Variants in UBE2D2 observed in about 807,000 individuals in gnomAD.
UBE2D2 encodes the protein ubiquitin-conjugating enzyme E2 D2.
Under a neutral mutation model 24.2 loss-of-function variants are expected in UBE2D2, and 2 were observed. That is an observed-to-expected ratio of 0.08 (90% CI 0.03 to 0.26). The LOEUF is 0.26. Ranked by LOEUF, UBE2D2 falls within the 10% of genes least tolerant of loss-of-function variation. The pLI is 1.00. For missense variants in UBE2D2, 44 were observed against 177.6 expected (o/e 0.25, Z 4.28); for synonymous variants, 58 against 56.5 (o/e 1.03, Z -0.12).
At chr5:139,595,421 C>G (rs1243212118) in intron 1 of UBE2D2, among the ~76,000 whole-genome samples, 1 of 152,144 alleles carries the variant, frequency 6.6e-6, no homozygotes, top group Non-Finnish European at 1.5e-5. Flanking sequence ...TCTTGTTACC[C>G]AAGCTGGAGT....
chr5:139,547,921 C>T (rs940502284), intron 1 of UBE2D2, among the ~76,000 whole-genome samples: 1 of 151,670 alleles, frequency 6.6e-6, no homozygotes, highest in African/African-American at 2.4e-5. Context: ...TCTCGAACTC[C>T]CCACCTCAGG....
chr5:139,623,674 G>T (rs921161374), intron 6 of UBE2D2: 3 of 410,274 alleles, frequency 7.3e-6, no homozygotes, highest in Non-Finnish European at 4.4e-6. Flanking sequence ...GACTCCTCTT[G>T]TCTACAAAAA....
chr5:139,546,817 T>TCTTTCTTCCTTCCTTC (rs1203962652), intron 1 of UBE2D2, among the ~76,000 whole-genome samples: 1 of 138,302 alleles, frequency 7.2e-6, no homozygotes, highest in East Asian at 2.1e-4. Context: ...CTTCTTTCTT[T>TCTTTCTTCCTTCCTTC]CTTCCTTCCT....
intron 1 of UBE2D2, among the ~76,000 whole-genome samples, chr5:139,538,018 GT>G (rs895670200): frequency 6.6e-6 from 1 of 151,714 alleles, no homozygotes; most frequent in Non-Finnish European, 1.5e-5. Flanking sequence ...GCATGATACA[GT>G]TTTTTTGTTT....
At chr5:139,583,357 A>G (rs1362267236) in intron 1 of UBE2D2, among the ~76,000 whole-genome samples, 2 of 152,216 alleles carry the variant, frequency 1.3e-5, no homozygotes, top group African/African-American at 2.4e-5. Context: ...TGTGAAGTAA[A>G]TAAGTATGTG....
chr5:139,532,975 G>A (rs1268636156), intron 1 of UBE2D2, among the ~76,000 whole-genome samples: 1 of 151,750 alleles, frequency 6.6e-6, no homozygotes, highest in Non-Finnish European at 1.5e-5. Flanking sequence ...GGGCGTGGTG[G>A]CACTTGCCTG....
chr5:139,622,278 T>C (rs1012502781), intron 5 of UBE2D2, among the ~76,000 whole-genome samples: 4 of 151,860 alleles, frequency 2.6e-5, no homozygotes, highest in Admixed American at 2.0e-4. Context: ...GATTTTTTGC[T>C]GTGTCGCCCA....
intron 1 of UBE2D2, among the ~76,000 whole-genome samples, chr5:139,590,457 AG>A (rs1386991188): frequency 9.9e-5 from 15 of 151,064 alleles, no homozygotes; most frequent in African/African-American, 3.4e-4. Flanking sequence ...AAAAAAAAAA[AG>A]AAAGAAAAAG....
Position 139,534,430 on chromosome 5 carries a change from G to A in UBE2D2, c.-64+7818G>A, listed in dbSNP as rs538949528. ...AAATACAAACCATTAGCCGGGCGTCGTGGCGGGCGCCTGTAGTCCCAGCTA... is the reference window on the plus strand; with the variant it reads ...AAATACAAACCATTAGCCGGGCGTCATGGCGGGCGCCTGTAGTCCCAGCTA... On this transcript the variant is annotated intron_variant, in intron 1 of 6. Transcript: ENST00000511725. Among the ~76,000 whole-genome samples, 13 of 152,226 alleles carry A rather than the reference G, an allele frequency of 8.5e-5. No individual in the cohort carries two copies. In the South Asian group the frequency reaches 1.5e-3, roughly 17 times the overall value.
intron 6 of UBE2D2, among the ~76,000 whole-genome samples, chr5:139,625,120 C>A (rs1403294417): frequency 6.6e-6 from 1 of 150,768 alleles, no homozygotes; most frequent in African/African-American, 2.4e-5. Flanking sequence ...TACAGTGGCA[C>A]AATCGTGGCT....
At chr5:139,564,476 C>T (rs143924305) in intron 1 of UBE2D2, among the ~76,000 whole-genome samples, 1,826 of 142,336 alleles carry the variant, frequency 0.013, 11 homozygotes, top group Middle Eastern at 0.05. Flanking sequence ...TTTTTGGAGA[C>T]GGAGTCTCCC....
intron 1 of UBE2D2, among the ~76,000 whole-genome samples, chr5:139,527,240 G>C (rs1013714615): frequency 1.3e-5 from 2 of 151,986 alleles, no homozygotes; most frequent in African/African-American, 4.8e-5. Flanking sequence ...CAAAGCACCC[G>C]GACCAGTTTC....
chr5:139,608,927 A>G (rs1247575837), intron 2 of UBE2D2, among the ~76,000 whole-genome samples: 1 of 152,038 alleles, frequency 6.6e-6, no homozygotes, highest in African/African-American at 2.4e-5. Flanking sequence ...TCCACTAAAA[A>G]TACAGCAAAA....
chr5:139,536,592 G>T (rs1379793457), intron 1 of UBE2D2, among the ~76,000 whole-genome samples: 1 of 152,068 alleles, frequency 6.6e-6, no homozygotes, highest in Non-Finnish European at 1.5e-5. Flanking sequence ...CTGAGCTCAG[G>T]CAATTCACCC....
chr5:139,623,976 C>A (rs757516825), intron 6 of UBE2D2, among the ~76,000 whole-genome samples: 2 of 152,124 alleles, frequency 1.3e-5, no homozygotes, highest in Non-Finnish European at 2.9e-5. Context: ...CAGGTGTGAG[C>A]CACCACACCC....
At chr5:139,547,468 C>T (rs956471150) in intron 1 of UBE2D2, among the ~76,000 whole-genome samples, 1 of 152,004 alleles carries the variant, frequency 6.6e-6, no homozygotes, top group Non-Finnish European at 1.5e-5. Context: ...CCCAGCTCAA[C>T]CTCCCAAAGT....
rs575072479 is a variant in UBE2D2 at position 139,564,408 on chromosome 5, C to T, written c.24+2593C>T. Among the ~76,000 whole-genome samples the T allele has an allele frequency of 5.9e-5, 9 of 151,810 alleles. No homozygotes were observed. The South Asian group carries it at 1.9e-3, about 32-fold the overall frequency. On this transcript the variant is annotated intron_variant, in intron 1 of 6. Transcript: ENST00000398733. The stretch of plus-strand genomic sequence containing the variant: ...ACCTCCGGTGATCCACCTGCCTCAG[C>T]CTCCCAAAGTGTTGGGATTATAGGC...
chr5:139,610,923 T>C (rs889108077), intron 2 of UBE2D2, among the ~76,000 whole-genome samples: 2 of 152,080 alleles, frequency 1.3e-5, no homozygotes, highest in Non-Finnish European at 2.9e-5. Flanking sequence ...GACAAGAGTT[T>C]AGAAAGTTTC....
At chr5:139,593,779 T>C (rs1041070938) in intron 1 of UBE2D2, among the ~76,000 whole-genome samples, 7 of 152,186 alleles carry the variant, frequency 4.6e-5, no homozygotes, top group African/African-American at 1.7e-4. Context: ...GCTGGGCTAA[T>C]TAAAAAAAAT....
Sources: allele counts gnomAD v4.1 joint callset (sites outside exome capture counted in the v4.1 genomes callset), GRCh38; gene constraint gnomAD v4.1.1; transcripts MANE v1.5; gene names NCBI Gene and HGNC (gene_info 2026-07-23, HGNC 2026-07-21).